Variants in CCDC57 observed in about 807,000 individuals in gnomAD.
CCDC57 encodes the protein coiled-coil domain-containing protein 57.
In CCDC57, 118 loss-of-function variants were observed where a neutral mutation model predicts 118.9. That is an observed-to-expected ratio of 0.99 (90% CI 0.86 to 1.16). CCDC57 has a LOEUF of 1.16. Among genes scored for constraint, CCDC57 ranks in the 50% most tolerant of loss-of-function variants. The probability of loss-of-function intolerance (pLI) is 0.00; values close to 1 mark genes in which losing one functional copy is unlikely to be tolerated. For missense variants in CCDC57, 1,300 were observed against 1,320.7 expected (o/e 0.98, Z 0.24); for synonymous variants, 527 against 532.9 (o/e 0.99, Z 0.15).
chr17:82,194,867 C>T (rs1311579545), intron 5 of CCDC57, among the ~76,000 whole-genome samples: 4 of 152,374 alleles, frequency 2.6e-5, no homozygotes, highest in South Asian at 2.1e-4. Flanking sequence ...CTGTAAGCCA[C>T]GGGTGGTGAC....
At chr17:82,188,992 C>G (rs1435729174) in intron 7 of CCDC57, among the ~76,000 whole-genome samples, 1 of 152,212 alleles carries the variant, frequency 6.6e-6, no homozygotes, top group African/African-American at 2.4e-5. Flanking sequence ...AGCAGCCAGG[C>G]ACAGTGGATC....
At chr17:82,103,042 G>C (rs1423167748) in intron 19 of CCDC57, among the ~76,000 whole-genome samples, 1 of 152,264 alleles carries the variant, frequency 6.6e-6, no homozygotes, top group Non-Finnish European at 1.5e-5. Flanking sequence ...GCAGGTCAGC[G>C]GGCGGCCAAC....
intron 13 of CCDC57, among the ~76,000 whole-genome samples, chr17:82,171,486 G>A (rs1216805740): frequency 2.0e-5 from 3 of 151,556 alleles, no homozygotes; most frequent in Admixed American, 1.3e-4. Flanking sequence ...GGAGCACAAG[G>A]AATTCCATTC....
At position 82,192,744 on chromosome 17, in the gene CCDC57, C is replaced by G. The variant is rs1280408919; in HGVS notation, c.851+1012G>C. ...GCTGCCACCAGTAGGGTCTGCAGAG[C>G]AGGCTGGAAAGCAGCTTCCCACTGC... is the stretch of plus-strand genomic sequence containing the variant. On this transcript the variant is annotated intron_variant, in intron 7 of 19. Coordinates refer to ENST00000665763, the Ensembl canonical transcript of CCDC57. This position sits in a 1 kb window ranked among gnomAD's most constrained non-coding sequence, Gnocchi z 4.0. Among the ~76,000 whole-genome samples, 1 of 152,230 alleles carries G rather than the reference C, an allele frequency of 6.6e-6. No homozygotes were observed. Among genetic ancestry groups the G allele is most frequent in the Non-Finnish European group, 1.5e-5 (1 of 68,036 alleles).
At chr17:82,194,240 A>C (rs1010888807) in intron 5 of CCDC57, 101 bp from the exon 5 acceptor site, 2 of 1,243,456 alleles carry the variant, frequency 1.6e-6, no homozygotes, top group African/African-American at 3.0e-5. Flanking sequence ...GAGGGAGAAG[A>C]AAAATGAAAA....
rs749783183 is a variant in CCDC57, at chr17:82,198,426, T to G, written c.408-4A>C. 28 of 1,577,892 alleles carry G rather than the reference T, an allele frequency of 1.8e-5. No homozygotes were observed. The highest frequency in any genetic ancestry group is 2.3e-5 in the Non-Finnish European group (27 of 1,149,546). ...GTCAATCTCACCATTCTTGTCACTA[T>G]GGTAATAAAACAGCATTAAGAAAAG... On this transcript the variant is annotated splice_polypyrimidine_tract_variant and splice_region_variant and intron_variant, in intron 3 of 19. Transcript: ENST00000665763.
intron 19 of CCDC57, chr17:82,113,565 T>A (rs1451872731): frequency 1.4e-6 from 1 of 717,516 alleles, no homozygotes; most frequent in African/African-American, 1.7e-5. Context: ...CCTCCATTCA[T>A]TCCCCCTCGC....
chr17:82,151,186 C>T (rs59032051), intron 16 of CCDC57, among the ~76,000 whole-genome samples: 14,500 of 100,650 alleles, frequency 0.14, 3,668 homozygotes, highest in East Asian at 0.47. Flanking sequence ...CAGGCGCACA[C>T]CCAGAACCAG....
In CCDC57 at chr17:82,103,615, T is replaced by C. The variant is rs554495211; in HGVS notation, c.2900-1749A>G. ...TCTCCTCAAACCCAGAGGCCTTGGT[T>C]GTCCCTCTGTAATGCTCAGGGATTC... is the stretch of plus-strand genomic sequence containing the variant. On this transcript the variant is annotated intron_variant, in intron 19 of 19. Coordinates refer to ENST00000665763, the Ensembl canonical transcript of CCDC57. Among the ~76,000 whole-genome samples, 7 of 152,362 alleles carry C rather than the reference T, an allele frequency of 4.6e-5. No homozygotes were observed. In the South Asian group the frequency reaches 1.0e-3, roughly 23 times the overall value.
At chr17:82,137,013 C>CTT (rs36143411) in intron 16 of CCDC57, among the ~76,000 whole-genome samples, 1,681 of 125,182 alleles carry the variant, frequency 0.013, 70 homozygotes, top group African/African-American at 0.04. Context: ...TGGTGTACTA[C>CTT]TTTTTTTTTT....
chr17:82,112,522 T>C (rs1465880640), intron 19 of CCDC57: 1 of 152,352 alleles, frequency 6.6e-6, no homozygotes, highest in Non-Finnish European at 1.5e-5. Flanking sequence ...TCTATACATG[T>C]ACAGGCTGGT....
intron 1 of CCDC57, among the ~76,000 whole-genome samples, chr17:82,209,113 G>T (rs4247357): frequency 0.47 from 71,083 of 151,900 alleles, 17,405 homozygotes; most frequent in East Asian, 0.88. Flanking sequence ...ACTGACTGCC[G>T]AAGAGTAGCC....
chr17:82,168,129 T>G (rs1359138020), intron 13 of CCDC57, among the ~76,000 whole-genome samples: 2 of 152,248 alleles, frequency 1.3e-5, no homozygotes, highest in Non-Finnish European at 1.5e-5. Flanking sequence ...AAGAATATTT[T>G]TACTGAATGT....
intron 9 of CCDC57, among the ~76,000 whole-genome samples, chr17:82,183,132 T>C (rs1056802041): frequency 3.7e-4 from 56 of 152,202 alleles, no homozygotes; most frequent in Non-Finnish European, 1.6e-4. Flanking sequence ...GGGGGGGACA[T>C]AGAGCCAAAT....
At chr17:82,114,773 G>A (rs751299469) in intron 19 of CCDC57, among the ~76,000 whole-genome samples, 42 of 152,364 alleles carry the variant, frequency 2.8e-4, no homozygotes, top group Non-Finnish European at 4.7e-4. Flanking sequence ...ACTCTTAGCT[G>A]GAGGGCCACC....
chr17:82,176,627 G>A (rs1568369560), intron 11 of CCDC57, among the ~76,000 whole-genome samples: 1 of 152,114 alleles, frequency 6.6e-6, no homozygotes, highest in South Asian at 2.1e-4. Context: ...TGGGCCCCCT[G>A]GACCCACCCT....
At chr17:82,194,310 T>TTC in intron 5 of CCDC57, 171 bp from the exon 5 acceptor site, 1 of 362,952 alleles carries the variant, frequency 2.8e-6, no homozygotes, top group East Asian at 3.7e-5. Context: ...ACTCAATGAC[T>TTC]TTTTTTTTTT....
At chr17:82,147,793 T>C (rs1359473253) in intron 16 of CCDC57, among the ~76,000 whole-genome samples, 1 of 43,840 alleles carries the variant, frequency 2.3e-5, no homozygotes, top group Non-Finnish European at 4.3e-5. Context: ...GATGGATGGG[T>C]GGGTGGGTGG....
rs146493873 is a variant in CCDC57 at position 82,148,992 on chromosome 17, T to G, written c.2455+2568A>C. On this transcript the variant is annotated intron_variant, in intron 16 of 19. Transcript: ENST00000665763. ...ATGGGTGGGTGGGTAGATGGGTAGA[T>G]GGATGAATGGATGGGTGGTGGATGG... 5.2e-3 allele frequency among the ~76,000 whole-genome samples: 335 copies of G among 64,150 alleles called. 39 individuals are homozygous for G. The highest frequency in any genetic ancestry group is 7.4e-3 in the Non-Finnish European group (269 of 36,418). The allele number at this position is 64,150 out of a possible 152,430, so 42.1% of individuals were successfully genotyped here.
Sources: gnomAD v4.1 joint callset for allele counts (sites outside exome capture counted in the v4.1 genomes callset) on GRCh38, gnomAD v4.1.1 for gene constraint, Gnocchi (gnomAD v3.1) non-coding constraint, MANE v1.5 for transcripts, NCBI Gene and HGNC (gene_info 2026-07-23, HGNC 2026-07-21) for gene names.